Variants in PSMD1 observed in about 807,000 individuals in gnomAD.
PSMD1 encodes the protein 26S proteasome non-ATPase regulatory subunit 1.
PSMD1 carries 18 observed loss-of-function variants against 119.0 expected under a neutral mutation model. The observed-to-expected ratio is 0.15, with a 90% CI of 0.10 to 0.22. The LOEUF (loss-of-function observed/expected upper bound fraction) is 0.22, where lower values mean the gene tolerates loss of function less well. PSMD1 is among the 10% of genes least tolerant of loss of function. The pLI, the probability that PSMD1 is intolerant of heterozygous loss-of-function variation, is 1.00. For synonymous variants in PSMD1, 374 were observed against 396.6 expected, an observed-to-expected ratio of 0.94 and a Z score of 0.68; for missense variants, 702 against 1,158.5, an observed-to-expected ratio of 0.61 and a Z score of 5.72.
At position 231,077,117 on chromosome 2, in the gene PSMD1, A is replaced by T; in HGVS notation, c.1026A>T (p.Leu342Phe). Reference sequence around the variant, plus strand: ...CTATTGAGTTACATCTGCAGTTCTTAATACGAAACAATAATACAGACCTCA... The same window carrying T: ...CTATTGAGTTACATCTGCAGTTCTTTATACGAAACAATAATACAGACCTCA... Reference protein sequence around the residue: ...EMAIELHLQFLIRNNNTDLMI... With the variant: ...EMAIELHLQFFIRNNNTDLMI... The change falls in exon 9 of 25, where the codon TTA becomes TTT. Residue 342 changes from leucine to phenylalanine, a missense_variant. Leu to Phe is a conservative substitution (Grantham distance 22). Coordinates refer to ENST00000308696, the MANE Select transcript of PSMD1 (RefSeq NM_002807.4). 6.3e-7 allele frequency: 1 copy of T among 1,591,212 alleles called. No homozygotes were observed.
chr2:231,101,254 G>C (rs1001456535), intron 16 of PSMD1, among the ~76,000 whole-genome samples: 2 of 152,164 alleles, frequency 1.3e-5, no homozygotes, highest in African/African-American at 4.8e-5. Context: ...ATCTAGATAA[G>C]TTCCTTTACA....
intron 16 of PSMD1, among the ~76,000 whole-genome samples, chr2:231,112,511 T>C (rs1259381620): frequency 6.6e-6 from 1 of 152,254 alleles, no homozygotes; most frequent in Non-Finnish European, 1.5e-5. Context: ...AATATGAAGG[T>C]CAATCTCATT....
intron 17 of PSMD1, among the ~76,000 whole-genome samples, chr2:231,140,082 G>A (rs911036077): frequency 3.3e-5 from 5 of 152,112 alleles, no homozygotes; most frequent in Non-Finnish European, 7.4e-5. Context: ...CAGAGAGAAA[G>A]GAGTCACTTT....
chr2:231,121,938 C>T (rs912412837), intron 16 of PSMD1, among the ~76,000 whole-genome samples: 6 of 152,042 alleles, frequency 3.9e-5, no homozygotes, highest in African/African-American at 1.2e-4. Flanking sequence ...CTATTATGCA[C>T]ATGGAGATGA....
intron 1 of PSMD1, among the ~76,000 whole-genome samples, chr2:231,059,981 T>TA (rs1259072878): frequency 6.6e-6 from 1 of 152,238 alleles, no homozygotes; most frequent in Non-Finnish European, 1.5e-5. Context: ...CCAGAGAATA[T>TA]AAAAATCCAT....
intron 4 of PSMD1, among the ~76,000 whole-genome samples, chr2:231,065,680 G>A (rs115550943): frequency 2.1e-3 from 313 of 152,284 alleles, no homozygotes; most frequent in Middle Eastern, 3.4e-3. Context: ...AAAGTTTAAG[G>A]TGTGATTGCA....
chr2:231,134,893 T>G (rs1464561987), intron 16 of PSMD1, among the ~76,000 whole-genome samples: 1 of 152,210 alleles, frequency 6.6e-6, no homozygotes, highest in Non-Finnish European at 1.5e-5. Flanking sequence ...CATTAGGCCT[T>G]GAACTTAGTA....
rs142505353 is a variant in PSMD1, at chr2:231,109,463, C to T, written c.1883+22282C>T. 2,112 of 1,428,064 alleles carry T rather than the reference C, an allele frequency of 1.5e-3. 30 individuals are homozygous for T. The African/African-American group carries it at 0.026, about 17-fold the overall frequency. 88.5% of individuals were successfully genotyped at this position (1,428,064 alleles called of 1,614,324 possible). ...AGTCATTTTATGACCTGTAACTCTT[C>T]GATTAGATCCTTTTGGATTGTATCC... On this transcript the variant is annotated intron_variant, in intron 16 of 24. Coordinates refer to ENST00000308696, the MANE Select transcript of PSMD1 (RefSeq NM_002807.4).
chr2:231,141,976 G>A (rs1196999512), intron 17 of PSMD1, among the ~76,000 whole-genome samples: 2 of 152,088 alleles, frequency 1.3e-5, no homozygotes, highest in East Asian at 3.8e-4. Context: ...TCCGCCTCCT[G>A]GGTTCAAACG....
chr2:231,170,790 C>T lies in PSMD1; in HGVS notation c.*9+69C>T, dbSNP rs766926097. ...ACTTCACAAATGTTTTTTGCAAGGA[C>T]ATCATCTCACGTTTTTCCTTCCTTT... is the stretch of plus-strand genomic sequence containing the variant. On this transcript the variant is annotated intron_variant, in intron 24 of 24. Transcript: ENST00000308696. The surrounding 1 kb of genome is among the most constrained non-coding windows in gnomAD (Gnocchi z 4.1). 51 of 1,433,176 alleles carry T rather than the reference C, an allele frequency of 3.6e-5. No individual in the cohort carries two copies. The highest frequency in any genetic ancestry group is 4.8e-5 in the Non-Finnish European group (51 of 1,068,062). The allele number at this position is 1,433,176 out of a possible 1,614,324, so 88.8% of individuals were successfully genotyped here. A position where few individuals can be genotyped will look rare whatever the true frequency, so the allele number is the denominator to read the frequency against.
At chr2:231,075,155 AT>A (rs767765924) in intron 7 of PSMD1, among the ~76,000 whole-genome samples, 2 of 152,122 alleles carry the variant, frequency 1.3e-5, no homozygotes, top group African/African-American at 2.4e-5. Context: ...GGCTGATTAG[AT>A]TTAAGAGTAG....
intron 17 of PSMD1, among the ~76,000 whole-genome samples, chr2:231,142,697 T>C (rs1401682929): frequency 1.3e-5 from 2 of 152,166 alleles, no homozygotes; most frequent in Non-Finnish European, 2.9e-5. Context: ...GGGGTTGTAT[T>C]ATGTACCTCA....
chr2:231,113,775 C>T, intron 16 of PSMD1: 3 of 1,614,004 alleles, frequency 1.9e-6, no homozygotes, highest in Non-Finnish European at 2.5e-6. Context: ...ATGCTGTAGC[C>T]CGTGAGTTAT....
chr2:231,090,336 G>A (rs930811452), intron 16 of PSMD1, among the ~76,000 whole-genome samples: 2 of 152,200 alleles, frequency 1.3e-5, no homozygotes, highest in African/African-American at 4.8e-5. Flanking sequence ...AAGATCAGGA[G>A]TTTGAGACCA....
chr2:231,083,041 T>C (rs1275540050), intron 13 of PSMD1, 47 bp downstream of exon 13: 5 of 1,347,640 alleles, frequency 3.7e-6, no homozygotes, highest in Non-Finnish European at 5.2e-6. Context: ...TTAATTAATG[T>C]AAATGTAATT....
chr2:231,105,954 AT>A (rs66732217), intron 16 of PSMD1, among the ~76,000 whole-genome samples: 3,270 of 124,062 alleles, frequency 0.026, 129 homozygotes, highest in African/African-American at 0.098. Flanking sequence ...TGTCATTTTC[AT>A]TTTTTTTTTC....
intron 6 of PSMD1, among the ~76,000 whole-genome samples, chr2:231,070,997 A>G (rs943885774): frequency 6.6e-6 from 1 of 152,232 alleles, no homozygotes; most frequent in African/African-American, 2.4e-5. Context: ...ACAAAATACT[A>G]GAAGAAAAAA....
At chr2:231,132,851 G>A (rs1695884155) in intron 16 of PSMD1, among the ~76,000 whole-genome samples, 2 of 152,140 alleles carry the variant, frequency 1.3e-5, no homozygotes, top group Admixed American at 6.5e-5. Context: ...CTGAAACAAG[G>A]CAATTGGAAA....
At position 231,109,439 on chromosome 2, in the gene PSMD1, G is replaced by A. The variant is rs182379518; in HGVS notation, c.1883+22258G>A. On this transcript the variant is annotated intron_variant, in intron 16 of 24. Transcript: ENST00000308696. ...GGAAGAGGAAAACAAGATAAATTGA[G>A]TCATTTTATGACCTGTAACTCTTCG... 1.1e-3 allele frequency: 1,695 copies of A among 1,577,978 alleles called. 5 individuals are homozygous for A. The highest frequency in any genetic ancestry group is 3.5e-3 in the South Asian group (315 of 89,984).
Sources: gnomAD v4.1 joint callset for allele counts (sites outside exome capture counted in the v4.1 genomes callset) on GRCh38, gnomAD v4.1.1 for gene constraint, Gnocchi (gnomAD v3.1) non-coding constraint, MANE v1.5 for transcripts, NCBI Gene and HGNC (gene_info 2026-07-23, HGNC 2026-07-21) for gene names.